Variants in CAMK2B observed in about 807,000 individuals in gnomAD.
CAMK2B encodes calcium/calmodulin dependent protein kinase II beta, also known as calcium/calmodulin-dependent protein kinase type II subunit beta.
CAMK2B carries 27 observed loss-of-function variants against 93.7 expected under a neutral mutation model. That is an observed-to-expected ratio of 0.29 (90% confidence interval 0.21 to 0.40). The LOEUF is 0.40. Among genes scored for constraint, CAMK2B ranks in the 10% least tolerant of loss-of-function variants. The probability of loss-of-function intolerance (pLI) is 1.00; values close to 1 mark genes in which losing one functional copy is unlikely to be tolerated. For synonymous variants in CAMK2B, 374 were observed against 358.8 expected (o/e 1.04, Z -0.48); for missense variants, 568 against 895.8 (o/e 0.63, Z 4.67).
At chr7:44,222,960 C>T (rs903163180) in intron 20 of CAMK2B, among the ~76,000 whole-genome samples, 1 of 152,216 alleles carries the variant, frequency 6.6e-6, no homozygotes, top group Non-Finnish European at 1.5e-5. Context: ...TCCCCTGCTG[C>T]ACAGTGACAG....
At chr7:44,320,407 G>C (rs1325652031) in intron 1 of CAMK2B, among the ~76,000 whole-genome samples, 1 of 152,162 alleles carries the variant, frequency 6.6e-6, no homozygotes, top group Non-Finnish European at 1.5e-5. Flanking sequence ...GAGCTTCTGA[G>C]AGGAGCAGAA....
intron 1 of CAMK2B, among the ~76,000 whole-genome samples, chr7:44,323,308 G>T (rs1002423521): frequency 6.6e-6 from 1 of 152,242 alleles, no homozygotes; most frequent in African/African-American, 2.4e-5. Context: ...TCCTCACCTC[G>T]CAATGCATGG....
rs150249531 is a variant in CAMK2B, at chr7:44,244,976, G to A, written c.415-1449C>T. The A allele has an allele frequency of 1.9e-3, 882 of 455,820 alleles. 6 individuals are homozygous for A. Among genetic ancestry groups the A allele is most frequent in the African/African-American group, 0.016 (824 of 50,070 alleles). 28.2% of individuals were successfully genotyped at this position (455,820 alleles called of 1,614,324 possible). On this transcript the variant is annotated intron_variant, in intron 6 of 23. Transcript: ENST00000395749. ...ACAGGCCACTGGACATGGTGATTTT[G>A]CCAACGTGAGTGGGTGGAGGCCCCA... is the stretch of plus-strand genomic sequence containing the variant.
At chr7:44,315,111 C>T (rs555129131) in intron 1 of CAMK2B, among the ~76,000 whole-genome samples, 2 of 152,238 alleles carry the variant, frequency 1.3e-5, no homozygotes, top group African/African-American at 4.8e-5. Flanking sequence ...ATTTTTCTTT[C>T]GTTGTTTATG....
chr7:44,221,167 G>A (rs2096399811), intron 20 of CAMK2B, among the ~76,000 whole-genome samples: 1 of 152,212 alleles, frequency 6.6e-6, no homozygotes, highest in African/African-American at 2.4e-5. Flanking sequence ...AAAATGCCTG[G>A]AAAATGCAGA....
chr7:44,220,949 C>T, intron 20 of CAMK2B, 48 bp from the exon 21 acceptor site: 1 of 1,504,646 alleles, frequency 6.6e-7, no homozygotes, highest in South Asian at 1.2e-5. Flanking sequence ...GCCCATTCCC[C>T]CCGGACCCCT....
chr7:44,236,762 A>G (rs2096630095), intron 13 of CAMK2B, among the ~76,000 whole-genome samples: 1 of 152,068 alleles, frequency 6.6e-6, no homozygotes, highest in African/African-American at 2.4e-5. Flanking sequence ...CATCTCCAGT[A>G]CACACAACTC....
chr7:44,308,472 C>T (rs1584860255), intron 1 of CAMK2B, among the ~76,000 whole-genome samples: 1 of 152,188 alleles, frequency 6.6e-6, no homozygotes, highest in African/African-American at 2.4e-5. Context: ...TCCCCCTCCT[C>T]TCCTCACAGC....
chr7:44,229,067 T>C lies in CAMK2B; in HGVS notation c.1340-143A>G, dbSNP rs897556184. ...GGCCCTGAATCAGAGCCTGCCTCAA[T>C]AGCAGGGAGCCCCCCCGCCCGCAAG... is the stretch of plus-strand genomic sequence containing the variant. On this transcript the variant is annotated intron_variant, in intron 18 of 23. Transcript: ENST00000395749. The C allele has an allele frequency of 9.9e-6, 8 of 808,502 alleles. No homozygotes were observed. The African/African-American group carries it at 1.4e-4, about 14-fold the overall frequency. 50.1% of individuals were successfully genotyped at this position (808,502 alleles called of 1,614,324 possible).
intron 2 of CAMK2B, among the ~76,000 whole-genome samples, chr7:44,282,618 TA>T (rs908974806): frequency 3.3e-5 from 5 of 152,142 alleles, no homozygotes; most frequent in African/African-American, 1.2e-4. Flanking sequence ...CACTGCAGCC[TA>T]AAGGACCTCC....
Position 44,312,158 on chromosome 7 carries a change from C to G in CAMK2B, c.65+13199G>C, listed in dbSNP as rs2116212844. ...GCACTGGAGTCACAGGGAGGCTGTG[C>G]TCTGGTCCATCCACACTCCAGAGCC... On this transcript the variant is annotated intron_variant, in intron 1 of 23. Coordinates refer to ENST00000395749, the MANE Select transcript of CAMK2B (RefSeq NM_001220.5). The surrounding 1 kb of genome is among the most constrained non-coding windows in gnomAD (Gnocchi z 4.1). 6.6e-6 allele frequency among the ~76,000 whole-genome samples: 1 copy of G among 152,348 alleles called. No individual in the cohort carries two copies. The highest frequency in any genetic ancestry group is 2.4e-5 in the African/African-American group (1 of 41,580).
intron 2 of CAMK2B, chr7:44,268,472 C>T (rs2096940317): frequency 6.6e-6 from 1 of 152,330 alleles, no homozygotes; most frequent in East Asian, 1.9e-4. Flanking sequence ...CCTCCTCCCT[C>T]ACCCCACAGC....
Position 44,236,640 on chromosome 7 carries a change from C to T in CAMK2B, c.1022-1964G>A, listed in dbSNP as rs1175427069. On this transcript the variant is annotated intron_variant, in intron 13 of 23. Transcript: ENST00000395749. Reference sequence around the variant, plus strand: ...TCTGCTTCCCTGTGGCTCAAATCTGCTTCCCTGTAACTTGCTATGGAGGGA... The same window carrying T: ...TCTGCTTCCCTGTGGCTCAAATCTGTTTCCCTGTAACTTGCTATGGAGGGA... 2.6e-5 allele frequency among the ~76,000 whole-genome samples: 4 copies of T among 152,358 alleles called. No homozygotes were observed. The East Asian group carries it at 7.7e-4, about 29-fold the overall frequency.
At chr7:44,252,004 G>A (rs912497013) in intron 5 of CAMK2B, among the ~76,000 whole-genome samples, 1 of 152,214 alleles carries the variant, frequency 6.6e-6, no homozygotes, top group Non-Finnish European at 1.5e-5. Flanking sequence ...GACTCCTGCT[G>A]CCAGGCCAGG....
Position 44,219,176 on chromosome 7 carries a change from TC to T in CAMK2B, c.*348del, listed in dbSNP as rs2096366413. On this transcript the variant is annotated 3_prime_UTR_variant, in exon 24 of 24. Coordinates refer to ENST00000395749, the MANE Select transcript of CAMK2B (RefSeq NM_001220.5). ...GCAGACAAGTTCATGTCCCAGCTGG[TC>T]CCCCAGAGGCCAGGAGCACAGACGG... 4 of 151,792 alleles carry T rather than the reference TC, an allele frequency of 2.6e-5. No individual in the cohort carries two copies. The South Asian group carries it at 8.3e-4, about 32-fold the overall frequency. The allele number at this position is 151,792 out of a possible 1,614,324, so 9.4% of individuals were successfully genotyped here.
Position 44,225,669 on chromosome 7 carries a change from C to A in CAMK2B, c.1597+847G>T. ...TGCTCCTGTGGGTTCACTCTCCCCA[C>A]ACCCTTCTGCCCTGGCCGCCTGCAG... On this transcript the variant is annotated intron_variant, in intron 20 of 23. Transcript: ENST00000395749. This position sits in a 1 kb window ranked among gnomAD's most constrained non-coding sequence, Gnocchi z 5.0. 3.4e-6 allele frequency: 4 copies of A among 1,183,968 alleles called. No individual in the cohort carries two copies. Among genetic ancestry groups the A allele is most frequent in the Admixed American group, 2.3e-5 (1 of 43,002 alleles). 73.3% of individuals were successfully genotyped at this position (1,183,968 alleles called of 1,614,324 possible).
chr7:44,309,856 G>T (rs528021173), intron 1 of CAMK2B, among the ~76,000 whole-genome samples: 2 of 152,356 alleles, frequency 1.3e-5, no homozygotes, highest in South Asian at 4.1e-4. Flanking sequence ...GCCTTGCAGC[G>T]ACCTTCAAAG....
At chr7:44,233,276 G>T (rs1350387262) in intron 15 of CAMK2B, among the ~76,000 whole-genome samples, 2 of 152,118 alleles carry the variant, frequency 1.3e-5, no homozygotes, top group African/African-American at 2.4e-5. Context: ...TCATGGGGGT[G>T]GCGGTGGCAC....
chr7:44,289,921 T>C (rs1380382234), intron 1 of CAMK2B, among the ~76,000 whole-genome samples: 1 of 152,196 alleles, frequency 6.6e-6, no homozygotes, highest in African/African-American at 2.4e-5. Context: ...TTCCTCTCTC[T>C]GCCTCCCGCA....
Sources: gnomAD v4.1 joint callset for allele counts (sites outside exome capture counted in the v4.1 genomes callset) on GRCh38, gnomAD v4.1.1 for gene constraint, Gnocchi (gnomAD v3.1) non-coding constraint, MANE v1.5 for transcripts, NCBI Gene and HGNC (gene_info 2026-07-23, HGNC 2026-07-21) for gene names.